Variants in ABCG1 observed in about 807,000 individuals in gnomAD.
ABCG1 encodes ATP-binding cassette sub-family G member 1.
ABCG1 carries 29 observed loss-of-function variants against 69.2 expected under a neutral mutation model. That is an observed-to-expected ratio of 0.42 (90% confidence interval 0.31 to 0.57). The LOEUF (loss-of-function observed/expected upper bound fraction) is 0.57. Among genes scored for constraint, ABCG1 ranks in the 20% least tolerant of loss-of-function variants. The pLI is 0.15. For missense variants in ABCG1, 718 were observed against 898.1 expected (o/e 0.80, Z 2.56); for synonymous variants, 370 against 374.8 (o/e 0.99, Z 0.15).
At chr21:42,210,411 G>C (rs2123471696) in intron 2 of ABCG1, among the ~76,000 whole-genome samples, 1 of 152,244 alleles carries the variant, frequency 6.6e-6, no homozygotes, top group Non-Finnish European at 1.5e-5. Flanking sequence ...AATTATTTGT[G>C]GGAAGGAGGC....
At chr21:42,258,331 T>TATCCCTCCTCC (rs1304998818) in intron 2 of ABCG1, among the ~76,000 whole-genome samples, 1 of 146,522 alleles carries the variant, frequency 6.8e-6, no homozygotes, top group Non-Finnish European at 1.5e-5. Context: ...TGTCTTCCTC[T>TATCCCTCCTCC]ATCCCTCCTC....
intron 2 of ABCG1, among the ~76,000 whole-genome samples, chr21:42,253,750 G>T (rs535198627): frequency 6.6e-6 from 1 of 152,174 alleles, no homozygotes; most frequent in Admixed American, 6.5e-5. Flanking sequence ...AGGACTGGGG[G>T]TGAGATCGAT....
At chr21:42,211,590 C>T (rs546452901), upstream of ABCG1, among the ~76,000 whole-genome samples, 40 of 152,078 alleles carry the variant, frequency 2.6e-4, no homozygotes, top group Middle Eastern at 3.4e-3. Context: ...TTAAGAGATG[C>T]GATCCTGGGC....
chr21:42,248,342 G>C (rs950333517), intron 2 of ABCG1, among the ~76,000 whole-genome samples: 2 of 152,180 alleles, frequency 1.3e-5, no homozygotes, highest in East Asian at 1.9e-4. Flanking sequence ...AGACAGCAGT[G>C]GTGGAGGGAA....
intron 2 of ABCG1, among the ~76,000 whole-genome samples, chr21:42,261,698 A>AGGAT (rs1329897142): frequency 6.6e-6 from 1 of 152,224 alleles, no homozygotes; most frequent in Non-Finnish European, 1.5e-5. Flanking sequence ...GAACAAGACA[A>AGGAT]GGATGGTGAA....
In ABCG1 at chr21:42,200,331, C is replaced by T. The variant is rs111979691; in HGVS notation, c.-100+482C>T. ...GGGTTTCTAGATCCCTCCAGAGAAG[C>T]CTTTGGGTACATCCCATGGCTTCCC... On this transcript the variant is annotated intron_variant, in intron 1 of 15. Coordinates refer to the ABCG1 transcript ENST00000398457. 3.4e-3 allele frequency among the ~76,000 whole-genome samples: 523 copies of T among 152,314 alleles called. 1 individual carries two copies. Among genetic ancestry groups the T allele is most frequent in the Non-Finnish European group, 5.6e-3 (381 of 68,028 alleles).
At chr21:42,215,802 T>C (rs968411171), upstream of ABCG1, among the ~76,000 whole-genome samples, 17 of 152,204 alleles carry the variant, frequency 1.1e-4, no homozygotes, top group African/African-American at 3.9e-4. Context: ...AGTGACTCCA[T>C]GTTGCTATGG....
At chr21:42,242,827 G>A (rs1238747971) in intron 2 of ABCG1, among the ~76,000 whole-genome samples, 15 of 152,136 alleles carry the variant, frequency 9.9e-5, no homozygotes, top group Admixed American at 9.2e-4. Flanking sequence ...GCAATCAAGC[G>A]AGCTCCACCA....
At chr21:42,245,294 G>C (rs1162004953) in intron 2 of ABCG1, among the ~76,000 whole-genome samples, 3 of 152,190 alleles carry the variant, frequency 2.0e-5, no homozygotes, top group Non-Finnish European at 2.9e-5. Context: ...CTCGCATATA[G>C]GTCTAACTTA....
At chr21:42,236,888 C>T (rs999219989) in intron 2 of ABCG1, among the ~76,000 whole-genome samples, 40 of 152,186 alleles carry the variant, frequency 2.6e-4, no homozygotes, top group Admixed American at 7.8e-4. Flanking sequence ...AGGGAGGAGC[C>T]CTTTCACTAA....
intron 2 of ABCG1, among the ~76,000 whole-genome samples, chr21:42,263,580 G>A (rs1331577885): frequency 6.6e-6 from 1 of 152,200 alleles, no homozygotes; most frequent in Non-Finnish European, 1.5e-5. Context: ...ACAGCAAAAT[G>A]TAATTACTCA....
intron 2 of ABCG1, among the ~76,000 whole-genome samples, chr21:42,227,027 T>G (rs923918160): frequency 1.3e-5 from 2 of 152,232 alleles, no homozygotes; most frequent in African/African-American, 4.8e-5. Flanking sequence ...GCTAAGTCTT[T>G]GAGACCCTTA....
chr21:42,224,815 C>A (rs952930519), intron 1 of ABCG1, among the ~76,000 whole-genome samples: 1 of 152,160 alleles, frequency 6.6e-6, no homozygotes, highest in African/African-American at 2.4e-5. Context: ...GTATTTCTTT[C>A]TTTGCATAGG....
rs1051829100 is a variant in ABCG1 at position 42,296,102 on chromosome 21, T to A, written c.1773-62T>A. On this transcript the variant is annotated intron_variant, in intron 14 of 14. Transcript: ENST00000398449. This position sits in a 1 kb window ranked among gnomAD's most constrained non-coding sequence, Gnocchi z 5.4. ...GCAGGGAGGGTGAACGACATTGACCTTCAGCCAACGGCGTGGCTGGCTGGG... is the reference window on the plus strand; with the variant it reads ...GCAGGGAGGGTGAACGACATTGACCATCAGCCAACGGCGTGGCTGGCTGGG... 6.9e-7 allele frequency: 1 copy of A among 1,439,906 alleles called. No individual in the cohort carries two copies. The highest frequency in any genetic ancestry group is 1.4e-5 in the African/African-American group (1 of 71,434). 89.2% of individuals were successfully genotyped at this position (1,439,906 alleles called of 1,614,324 possible).
At chr21:42,266,952 A>G (rs948747830) in intron 2 of ABCG1, among the ~76,000 whole-genome samples, 1 of 151,414 alleles carries the variant, frequency 6.6e-6, no homozygotes, top group African/African-American at 2.4e-5. Flanking sequence ...ATTTCTTTCC[A>G]TTTCCCAGAG....
chr21:42,262,053 C>G (rs2068423519), intron 2 of ABCG1, among the ~76,000 whole-genome samples: 1 of 152,160 alleles, frequency 6.6e-6, no homozygotes. Context: ...GTGAGCTAGT[C>G]ACTTGCTTAT....
At chr21:42,237,519 A>G (rs1207594617) in intron 2 of ABCG1, among the ~76,000 whole-genome samples, 1 of 152,218 alleles carries the variant, frequency 6.6e-6, no homozygotes, top group Non-Finnish European at 1.5e-5. Context: ...TATGGCACTC[A>G]GCATGGGATT....
At chr21:42,256,147 C>T (rs777819879) in intron 2 of ABCG1, 6 of 1,388,820 alleles carry the variant, frequency 4.3e-6, no homozygotes, top group Non-Finnish European at 5.6e-6. Flanking sequence ...TCTTGTGAAA[C>T]CTGGGCGTGA....
upstream of ABCG1, chr21:42,216,095 T>A: frequency 2.2e-6 from 1 of 448,178 alleles, no homozygotes; most frequent in South Asian, 1.6e-5. Flanking sequence ...AAGGGGAGTT[T>A]CCCTGCACAA....
Sources: allele counts gnomAD v4.1 joint callset (sites outside exome capture counted in the v4.1 genomes callset), GRCh38; gene constraint gnomAD v4.1.1; non-coding constraint Gnocchi (gnomAD v3.1); transcripts MANE v1.5; gene names NCBI Gene and HGNC (gene_info 2026-07-23, HGNC 2026-07-21).